Variants in EEFSEC observed in about 807,000 individuals in gnomAD.
The protein encoded by EEFSEC is eukaryotic elongation factor, selenocysteine-tRNA specific, also known as selenocysteine-specific elongation factor.
EEFSEC carries 43 observed loss-of-function variants against 42.1 expected under a neutral mutation model. That is an observed-to-expected ratio of 1.02 (90% CI 0.80 to 1.32). The LOEUF (loss-of-function observed/expected upper bound fraction) is 1.32, where lower values mean the gene tolerates loss of function less well. Among genes scored for constraint, EEFSEC ranks in the 40% most tolerant of loss-of-function variants. The probability of loss-of-function intolerance (pLI) is 0.00; values close to 1 mark genes in which losing one functional copy is unlikely to be tolerated. For missense variants in EEFSEC, 745 were observed against 803.6 expected (o/e 0.93, Z 0.88); for synonymous variants, 354 against 339.1 (o/e 1.04, Z -0.48).
rs188858874 is a variant in EEFSEC at position 128,207,612 on chromosome 3, A to C, written c.317-39224A>C. Among the ~76,000 whole-genome samples, 45 of 150,980 alleles carry C rather than the reference A, an allele frequency of 3.0e-4. No individual in the cohort carries two copies. In the East Asian group the frequency reaches 8.8e-3, roughly 30 times the overall value. On this transcript the variant is annotated intron_variant, in intron 1 of 6. Coordinates refer to ENST00000254730, the MANE Select transcript of EEFSEC (RefSeq NM_021937.5). ...ACACACACACACACACACGCTTAAC[A>C]AGATAAGGATAACGTAAACTAGACC...
At chr3:128,288,730 C>T (rs954596883) in intron 4 of EEFSEC, among the ~76,000 whole-genome samples, 4 of 152,210 alleles carry the variant, frequency 2.6e-5, no homozygotes, top group Admixed American at 2.6e-4. Context: ...TGTCTTGCCC[C>T]ATCACTGTAG....
the EEFSEC span, among the ~76,000 whole-genome samples, chr3:128,416,296 G>A: frequency 2.0e-5 from 3 of 152,046 alleles, no homozygotes; most frequent in Non-Finnish European, 2.9e-5. Context: ...GGCAGCTGCC[G>A]ACACAGTGCA....
At chr3:128,268,160 T>C (rs1199975559) in intron 4 of EEFSEC, among the ~76,000 whole-genome samples, 1 of 152,230 alleles carries the variant, frequency 6.6e-6, no homozygotes, top group Non-Finnish European at 1.5e-5. Flanking sequence ...GTTTTAAACT[T>C]GCTTGGGACC....
chr3:128,376,960 G>A (rs149635747), intron 6 of EEFSEC, among the ~76,000 whole-genome samples: 89 of 152,176 alleles, frequency 5.8e-4, no homozygotes, highest in African/African-American at 2.1e-3. Context: ...GCCCAGCAGC[G>A]GCACAATCTC....
At chr3:128,392,014 C>A (rs948148762) in intron 6 of EEFSEC, among the ~76,000 whole-genome samples, 7 of 152,202 alleles carry the variant, frequency 4.6e-5, no homozygotes, top group African/African-American at 1.7e-4. Flanking sequence ...CCTGTCTTTG[C>A]GGAGAGCATG....
rs116697382 is a variant in EEFSEC, at chr3:128,388,241, G to A, written c.1601-19828G>A. Among the ~76,000 whole-genome samples the A allele has an allele frequency of 7.1e-3, 1,079 of 152,298 alleles. 21 individuals carry two copies. The highest frequency in any genetic ancestry group is 0.025 in the African/African-American group (1,024 of 41,546). ...TGGGGACAGCCACAGAAGGGGTCCA[G>A]CCCTGTTGGCAGCCTCTTGCCCCCG... is the stretch of plus-strand genomic sequence containing the variant. On this transcript the variant is annotated intron_variant, in intron 6 of 6. Coordinates refer to ENST00000254730, the MANE Select transcript of EEFSEC (RefSeq NM_021937.5).
intron 4 of EEFSEC, among the ~76,000 whole-genome samples, chr3:128,288,081 C>T (rs987916401): frequency 6.6e-6 from 1 of 151,136 alleles, no homozygotes; most frequent in African/African-American, 2.4e-5. Flanking sequence ...TTCATTTGTA[C>T]TGGTCTTCCA....
At chr3:128,220,168 T>C (rs2065848180) in intron 1 of EEFSEC, among the ~76,000 whole-genome samples, 1 of 152,178 alleles carries the variant, frequency 6.6e-6, no homozygotes, top group African/African-American at 2.4e-5. Flanking sequence ...ATTAGCTTTA[T>C]AAGTGGTGGA....
intron 4 of EEFSEC, among the ~76,000 whole-genome samples, chr3:128,277,661 A>G (rs546414733): frequency 6.6e-6 from 1 of 152,314 alleles, no homozygotes; most frequent in South Asian, 2.1e-4. Flanking sequence ...GTGGATGTGT[A>G]GATTAGGGTG....
chr3:128,277,005 A>G (rs1221809237), intron 4 of EEFSEC, among the ~76,000 whole-genome samples: 2 of 152,150 alleles, frequency 1.3e-5, no homozygotes, highest in African/African-American at 2.4e-5. Flanking sequence ...TGGCCTCCCA[A>G]CCTCTTCTTG....
intron 6 of EEFSEC, among the ~76,000 whole-genome samples, chr3:128,360,468 G>C (rs2067511169): frequency 6.6e-6 from 1 of 152,368 alleles, no homozygotes; most frequent in African/African-American, 2.4e-5. Flanking sequence ...CTGGGGCCCT[G>C]CTGGACCAGG....
chr3:128,403,420 G>A (rs148049914), intron 6 of EEFSEC, among the ~76,000 whole-genome samples: 21 of 152,300 alleles, frequency 1.4e-4, no homozygotes, highest in African/African-American at 4.1e-4. Context: ...CCCTGACAGC[G>A]TAGGTCCTAG....
intron 5 of EEFSEC, among the ~76,000 whole-genome samples, chr3:128,351,093 G>A (rs904442275): frequency 2.0e-5 from 3 of 152,102 alleles, no homozygotes; most frequent in East Asian, 1.9e-4. Flanking sequence ...TCTGTCCTCC[G>A]AGAAGACTTT....
intron 1 of EEFSEC, among the ~76,000 whole-genome samples, chr3:128,154,696 G>A (rs1029537522): frequency 6.6e-6 from 1 of 152,118 alleles, no homozygotes; most frequent in East Asian, 1.9e-4. Flanking sequence ...TGACCCGCCC[G>A]CCCTGGCCTC....
chr3:128,170,982 A>C (rs2065290100), intron 1 of EEFSEC, among the ~76,000 whole-genome samples: 1 of 152,116 alleles, frequency 6.6e-6, no homozygotes, highest in Non-Finnish European at 1.5e-5. Context: ...TTTAGCAAGC[A>C]CTCTGGTAAC....
At chr3:128,351,924 G>A (rs1359900689) in intron 5 of EEFSEC, among the ~76,000 whole-genome samples, 1 of 152,250 alleles carries the variant, frequency 6.6e-6, no homozygotes, top group Non-Finnish European at 1.5e-5. Flanking sequence ...TTCCCTAGAA[G>A]CAAGGCCTAT....
intron 1 of EEFSEC, among the ~76,000 whole-genome samples, chr3:128,161,611 G>A (rs553314685): frequency 6.6e-6 from 1 of 152,310 alleles, no homozygotes; most frequent in South Asian, 2.1e-4. Context: ...ACATCCAAGA[G>A]CCTACAAGAT....
At chr3:128,387,020 T>C (rs1470024217) in intron 6 of EEFSEC, among the ~76,000 whole-genome samples, 1 of 152,230 alleles carries the variant, frequency 6.6e-6, no homozygotes, top group Non-Finnish European at 1.5e-5. Context: ...TCACCCCTCA[T>C]AGGCCTGGCT....
At chr3:128,404,550 G>A (rs1576709757) in intron 6 of EEFSEC, among the ~76,000 whole-genome samples, 2 of 152,354 alleles carry the variant, frequency 1.3e-5, no homozygotes, top group East Asian at 1.9e-4. Flanking sequence ...ATTTGTCGGG[G>A]TCTGCTGCCA....
Sources: allele counts gnomAD v4.1 joint callset (sites outside exome capture counted in the v4.1 genomes callset), GRCh38; gene constraint gnomAD v4.1.1; transcripts MANE v1.5; gene names NCBI Gene and HGNC (gene_info 2026-07-23, HGNC 2026-07-21).